Variants in SOX6 observed in about 807,000 individuals in gnomAD.
SOX6 encodes the protein SRY-box transcription factor 6.
In SOX6, 11 loss-of-function variants were observed where a neutral mutation model predicts 97.8. The ratio of observed to expected loss-of-function variants is 0.11; its 90% CI spans 0.07 to 0.19. The LOEUF (loss-of-function observed/expected upper bound fraction) is 0.19, where lower values mean the gene tolerates loss of function less well. SOX6 is among the 10% of genes least tolerant of loss of function. The pLI is 1.00. For missense variants in SOX6, 810 were observed against 1,039.5 expected (o/e 0.78, Z 3.04); for synonymous variants, 360 against 371.4 (o/e 0.97, Z 0.35).
At chr11:15,989,960 A>G (rs1435252623) in intron 13 of SOX6, among the ~76,000 whole-genome samples, 1 of 152,104 alleles carries the variant, frequency 6.6e-6, no homozygotes, top group Admixed American at 6.5e-5. Flanking sequence ...AGTGCTTCCT[A>G]GGAGATGTGA....
At chr11:16,501,847 C>A (rs942736823) in intron 4 of SOX6, among the ~76,000 whole-genome samples, 9 of 152,180 alleles carry the variant, frequency 5.9e-5, no homozygotes, top group African/African-American at 2.2e-4. Context: ...AATAGAAACA[C>A]TTTTACACTG....
intron 2 of SOX6, among the ~76,000 whole-genome samples, chr11:16,723,835 C>T (rs541484966): frequency 2.0e-5 from 3 of 152,212 alleles, no homozygotes; most frequent in East Asian, 3.9e-4. Context: ...CCTTTCCCCT[C>T]TCAACTAAGA....
intron 1 of SOX6, among the ~76,000 whole-genome samples, chr11:16,418,187 G>A (rs560676522): frequency 5.9e-5 from 9 of 152,182 alleles, no homozygotes; most frequent in African/African-American, 2.2e-4. Flanking sequence ...CAGGAATCAT[G>A]GCAATTCAAA....
chr11:16,528,903 G>C (rs763322387), intron 4 of SOX6, among the ~76,000 whole-genome samples: 5 of 152,002 alleles, frequency 3.3e-5, no homozygotes, highest in Non-Finnish European at 5.9e-5. Flanking sequence ...GTAGCTGCCT[G>C]AATACTACTA....
chr11:16,316,396 A>G (rs1238780042), intron 3 of SOX6: 1 of 151,186 alleles, frequency 6.6e-6, no homozygotes, highest in African/African-American at 2.4e-5. Flanking sequence ...ATACATTAAT[A>G]TATACTAAAG....
intron 12 of SOX6, among the ~76,000 whole-genome samples, chr11:16,020,204 T>C (rs1458099038): frequency 7.2e-5 from 11 of 152,110 alleles, no homozygotes; most frequent in Admixed American, 7.2e-4. Flanking sequence ...GTCCAGGCGA[T>C]GATCCAGGCT....
At chr11:16,482,058 A>G (rs185852370) in intron 4 of SOX6, among the ~76,000 whole-genome samples, 20 of 152,286 alleles carry the variant, frequency 1.3e-4, no homozygotes, top group Admixed American at 1.3e-3. Context: ...ACTGCATTCA[A>G]TCTGTTGTGA....
At chr11:16,096,801 G>A (rs1848809049) in intron 8 of SOX6, among the ~76,000 whole-genome samples, 1 of 151,776 alleles carries the variant, frequency 6.6e-6, no homozygotes, top group Admixed American at 6.6e-5. Context: ...CTACTATATT[G>A]AAGTCAAGTT....
intron 1 of SOX6, among the ~76,000 whole-genome samples, chr11:16,458,286 A>C (rs1859849407): frequency 6.6e-6 from 1 of 152,090 alleles, no homozygotes; most frequent in African/African-American, 2.4e-5. Context: ...GACAAGGCAG[A>C]TATTTCTCTA....
intron 4 of SOX6, among the ~76,000 whole-genome samples, chr11:16,584,134 C>A (rs904834055): frequency 1.2e-4 from 19 of 152,026 alleles, no homozygotes; most frequent in African/African-American, 4.6e-4. Context: ...AAACAATGAA[C>A]AAACAGACAA....
intron 2 of SOX6, among the ~76,000 whole-genome samples, chr11:16,717,608 T>C (rs1848228021): frequency 2.0e-5 from 3 of 152,128 alleles, no homozygotes; most frequent in African/African-American, 7.2e-5. Flanking sequence ...TTACTCTTCA[T>C]GAAAACAGAT....
At chr11:16,239,859 C>A (rs966389169) in intron 3 of SOX6, among the ~76,000 whole-genome samples, 4 of 151,970 alleles carry the variant, frequency 2.6e-5, no homozygotes, top group Non-Finnish European at 5.9e-5. Context: ...TTTCATTTTA[C>A]TCCTCCATAA....
chr11:16,704,264 C>T (rs932817102), intron 3 of SOX6, among the ~76,000 whole-genome samples: 3 of 152,132 alleles, frequency 2.0e-5, no homozygotes, highest in Admixed American at 2.0e-4. Flanking sequence ...TCTGGAAATA[C>T]ATGGAACCTA....
At chr11:16,203,747 G>T (rs1340909945) in intron 4 of SOX6, among the ~76,000 whole-genome samples, 1 of 152,028 alleles carries the variant, frequency 6.6e-6, no homozygotes, top group Non-Finnish European at 1.5e-5. Flanking sequence ...AATTCTCTTT[G>T]TCAACCCAAA....
intron 7 of SOX6, among the ~76,000 whole-genome samples, 187 bp downstream of exon 7, chr11:16,111,616 A>T (rs72866378): frequency 1.2e-3 from 183 of 152,338 alleles, no homozygotes; most frequent in Middle Eastern, 0.01. Flanking sequence ...AGAAAGTAAA[A>T]GTTTTTAGCA....
intron 4 of SOX6, among the ~76,000 whole-genome samples, chr11:16,523,323 G>C (rs1424423856): frequency 6.6e-6 from 1 of 152,164 alleles, no homozygotes; most frequent in Non-Finnish European, 1.5e-5. Flanking sequence ...TCAGGATTAA[G>C]AAACTCACTC....
chr11:16,720,832 G>A (rs1848255494), intron 2 of SOX6, among the ~76,000 whole-genome samples: 1 of 152,024 alleles, frequency 6.6e-6, no homozygotes, highest in Admixed American at 6.5e-5. Context: ...ATATCCATGA[G>A]GAAACAAGCT....
At chr11:16,428,238 A>G (rs1859193116) in intron 1 of SOX6, among the ~76,000 whole-genome samples, 1 of 151,984 alleles carries the variant, frequency 6.6e-6, no homozygotes. Context: ...CCTTTGTCAG[A>G]TGAGTAGGTT....
At chr11:16,065,108 T>C (rs1848062606) in intron 9 of SOX6, among the ~76,000 whole-genome samples, 1 of 152,034 alleles carries the variant, frequency 6.6e-6, no homozygotes, top group African/African-American at 2.4e-5. Flanking sequence ...GATCTTATAT[T>C]TGGAAAAACC....
Sources: gnomAD v4.1 joint callset for allele counts (sites outside exome capture counted in the v4.1 genomes callset) on GRCh38, gnomAD v4.1.1 for gene constraint, MANE v1.5 for transcripts, NCBI Gene and HGNC (gene_info 2026-07-23, HGNC 2026-07-21) for gene names.